Variants in GRIK1 observed in about 807,000 individuals in gnomAD.
The protein encoded by GRIK1 is glutamate receptor ionotropic, kainate 1.
In GRIK1, 69 loss-of-function variants were observed where a neutral mutation model predicts 105.7. The ratio of observed to expected loss-of-function variants is 0.65; its 90% CI spans 0.54 to 0.80. GRIK1 has a LOEUF of 0.80. Ranked by LOEUF, GRIK1 falls within the 30% of genes least tolerant of loss-of-function variation. The probability of loss-of-function intolerance (pLI) is 0.00; values close to 1 mark genes in which losing one functional copy is unlikely to be tolerated. For missense variants in GRIK1, 1,109 were observed against 1,167.3 expected (o/e 0.95, Z 0.73); for synonymous variants, 438 against 431.3 (o/e 1.02, Z -0.19).
intron 1 of GRIK1, among the ~76,000 whole-genome samples, chr21:29,933,162 G>A (rs995149941): frequency 3.3e-5 from 5 of 151,792 alleles, no homozygotes; most frequent in Admixed American, 2.0e-4. Context: ...GTTAAGTTCC[G>A]GGTACATGGG....
chr21:29,763,065 T>C (rs1282094526), intron 1 of GRIK1, among the ~76,000 whole-genome samples: 2 of 152,188 alleles, frequency 1.3e-5, no homozygotes. Flanking sequence ...ACTGATATGG[T>C]TTGACTCTGT....
At chr21:29,745,369 G>T (rs1418090428) in intron 1 of GRIK1, among the ~76,000 whole-genome samples, 2 of 152,234 alleles carry the variant, frequency 1.3e-5, no homozygotes, top group Non-Finnish European at 2.9e-5. Flanking sequence ...CCTCAAGAAA[G>T]AGGGCTCAGT....
At chr21:29,668,480 T>G (rs911999763) in intron 4 of GRIK1, among the ~76,000 whole-genome samples, 3 of 152,142 alleles carry the variant, frequency 2.0e-5, no homozygotes, top group Non-Finnish European at 4.4e-5. Context: ...CCAGAAAGGA[T>G]GCCTCTGAAA....
rs138766588 is a variant in GRIK1, at chr21:29,575,450, C to G, written c.2130+1514G>C. Among the ~76,000 whole-genome samples, 641 of 151,612 alleles carry G rather than the reference C, an allele frequency of 4.2e-3. 7 individuals carry two copies. Among genetic ancestry groups the G allele is most frequent in the African/African-American group, 0.015 (620 of 41,274 alleles). On this transcript the variant is annotated intron_variant, in intron 14 of 17. Coordinates refer to ENST00000327783, the MANE Select transcript of GRIK1 (RefSeq NM_001330994.2). ...AACTTATACCTCCTAAATCTATAAA[C>G]AATGTTTAAAAAGGAAATAAGAATG...
intron 1 of GRIK1, among the ~76,000 whole-genome samples, chr21:29,768,598 G>A (rs937332781): frequency 6.6e-6 from 1 of 152,186 alleles, no homozygotes; most frequent in African/African-American, 2.4e-5. Flanking sequence ...ATGGCACCAT[G>A]GGTGTTAATG....
intron 3 of GRIK1, among the ~76,000 whole-genome samples, chr21:29,687,439 T>C (rs2063505784): frequency 6.6e-6 from 1 of 152,206 alleles, no homozygotes; most frequent in Admixed American, 6.5e-5. Flanking sequence ...CTTTTATTGA[T>C]CTCAGTTGGC....
chr21:29,683,897 C>T (rs1468227583), intron 3 of GRIK1, among the ~76,000 whole-genome samples: 1 of 152,238 alleles, frequency 6.6e-6, no homozygotes, highest in African/African-American at 2.4e-5. Flanking sequence ...GGCCTTTGCA[C>T]TGGCTGTTCC....
chr21:29,715,080 A>G (rs577762898), intron 1 of GRIK1, among the ~76,000 whole-genome samples: 1 of 152,212 alleles, frequency 6.6e-6, no homozygotes, highest in Non-Finnish European at 1.5e-5. Context: ...AAGATCACTA[A>G]CCAACCTATC....
chr21:29,812,436 C>A (rs968546227), intron 1 of GRIK1, among the ~76,000 whole-genome samples: 2 of 152,090 alleles, frequency 1.3e-5, no homozygotes, highest in African/African-American at 2.4e-5. Context: ...GAATCCTTTG[C>A]CATTTGTTCT....
At chr21:29,560,511 C>CTTTT (rs1568815314) in intron 15 of GRIK1, among the ~76,000 whole-genome samples, 1 of 40,212 alleles carries the variant, frequency 2.5e-5, no homozygotes, top group Non-Finnish European at 4.3e-5. Context: ...TTCCTTCCTT[C>CTTTT]CTTCCTTCCT....
chr21:29,692,398 G>A (rs1251444603), intron 2 of GRIK1, among the ~76,000 whole-genome samples: 1 of 152,120 alleles, frequency 6.6e-6, no homozygotes, highest in African/African-American at 2.4e-5. Context: ...ACATTATAGA[G>A]ATAATTTATG....
At chr21:29,584,399 A>G (rs919235870) in intron 12 of GRIK1, among the ~76,000 whole-genome samples, 1 of 152,184 alleles carries the variant, frequency 6.6e-6, no homozygotes, top group African/African-American at 2.4e-5. Context: ...CTATCTGGAT[A>G]TTTGATCTAT....
At chr21:29,821,001 C>T (rs1054672730) in intron 1 of GRIK1, among the ~76,000 whole-genome samples, 2 of 151,548 alleles carry the variant, frequency 1.3e-5, no homozygotes, top group African/African-American at 4.8e-5. Flanking sequence ...TGAGCAATAT[C>T]CTATAAAGTT....
At chr21:29,887,024 A>G (rs2069656243) in intron 1 of GRIK1, among the ~76,000 whole-genome samples, 1 of 152,154 alleles carries the variant, frequency 6.6e-6, no homozygotes, top group South Asian at 2.1e-4. Context: ...CTTTCTTCTC[A>G]TTTACTTTAT....
At chr21:29,677,925 T>C (rs1394394811) in intron 3 of GRIK1, among the ~76,000 whole-genome samples, 1 of 152,184 alleles carries the variant, frequency 6.6e-6, no homozygotes, top group African/African-American at 2.4e-5. Context: ...TGTGAGAAAT[T>C]CTCTACCTTA....
rs144926495 is a variant in GRIK1, at chr21:29,605,408, A to G, written c.1099-6471T>C. On this transcript the variant is annotated intron_variant, in intron 7 of 17. Transcript: ENST00000327783. ...AAAGGACATGATCTTGTTCCTTTTTATGGCTGCGTAGTATTCCATGGTGTA... is the reference window on the plus strand; with the variant it reads ...AAAGGACATGATCTTGTTCCTTTTTGTGGCTGCGTAGTATTCCATGGTGTA... Among the ~76,000 whole-genome samples the G allele has an allele frequency of 2.8e-3, 427 of 152,196 alleles. 3 individuals are homozygous for G. Among genetic ancestry groups the G allele is most frequent in the African/African-American group, 9.6e-3 (399 of 41,502 alleles).
chr21:29,717,315 C>A (rs900027039), intron 1 of GRIK1, among the ~76,000 whole-genome samples: 4 of 152,232 alleles, frequency 2.6e-5, no homozygotes, highest in African/African-American at 9.6e-5. Flanking sequence ...AAGGGGGCCA[C>A]CATCCTCCAG....
intron 1 of GRIK1, among the ~76,000 whole-genome samples, chr21:29,845,112 C>A (rs2068079283): frequency 6.6e-6 from 1 of 151,970 alleles, no homozygotes; most frequent in Non-Finnish European, 1.5e-5. Flanking sequence ...ATGATGATTG[C>A]AATGTTAAAA....
chr21:29,613,095 T>C (rs574452885), intron 7 of GRIK1, among the ~76,000 whole-genome samples: 13 of 152,288 alleles, frequency 8.5e-5, no homozygotes, highest in Non-Finnish European at 1.5e-4. Flanking sequence ...ATCTAGTCGT[T>C]GTGAAAATGA....
Sources: gnomAD v4.1 joint callset for allele counts (sites outside exome capture counted in the v4.1 genomes callset) on GRCh38, gnomAD v4.1.1 for gene constraint, MANE v1.5 for transcripts, NCBI Gene and HGNC (gene_info 2026-07-23, HGNC 2026-07-21) for gene names.